Variants in WASF1 observed in about 807,000 individuals in gnomAD.
WASF1 encodes actin-binding protein WASF1.
A neutral mutation model predicts 50.5 loss-of-function variants in WASF1; 7 were observed. The observed-to-expected ratio is 0.14, with a 90% CI of 0.08 to 0.26. The LOEUF (loss-of-function observed/expected upper bound fraction) is 0.26. WASF1 is among the 10% of genes least tolerant of loss of function. The probability of loss-of-function intolerance (pLI) is 1.00; values close to 1 mark genes in which losing one functional copy is unlikely to be tolerated. For synonymous variants in WASF1, 205 were observed against 244.0 expected (o/e 0.84, Z 1.49); for missense variants, 470 against 694.7 (o/e 0.68, Z 3.64).
intron 2 of WASF1, among the ~76,000 whole-genome samples, chr6:110,166,463 G>T (rs1776482183): frequency 6.6e-6 from 1 of 151,824 alleles, no homozygotes; most frequent in African/African-American, 2.4e-5. Flanking sequence ...CTCAAAAAAT[G>T]ACCAGGGACA....
intron 3 of WASF1, among the ~76,000 whole-genome samples, chr6:110,151,794 T>G (rs527552430): frequency 6.6e-6 from 1 of 152,274 alleles, no homozygotes; most frequent in East Asian, 1.9e-4. Flanking sequence ...ATAGAAAAAG[T>G]GGTAAGTATA....
At chr6:110,153,037 T>C (rs955514651) in intron 3 of WASF1, among the ~76,000 whole-genome samples, 12 of 152,196 alleles carry the variant, frequency 7.9e-5, no homozygotes, top group Non-Finnish European at 1.6e-4. Flanking sequence ...ATTGAGATGA[T>C]TGAGATTCAT....
chr6:110,128,230 C>T (rs1017237454), intron 3 of WASF1, among the ~76,000 whole-genome samples: 3 of 152,040 alleles, frequency 2.0e-5, no homozygotes, highest in Non-Finnish European at 2.9e-5. Context: ...TTATACAAAA[C>T]GTTTTTTAAA....
chr6:110,126,891 T>C (rs1774440776), intron 4 of WASF1, among the ~76,000 whole-genome samples: 1 of 152,174 alleles, frequency 6.6e-6, no homozygotes. Context: ...CCAACCTGCT[T>C]GACTTCTGTC....
intron 2 of WASF1, among the ~76,000 whole-genome samples, chr6:110,177,790 G>C (rs970949210): frequency 6.6e-6 from 1 of 151,996 alleles, no homozygotes; most frequent in African/African-American, 2.4e-5. Context: ...TATCAAAAGG[G>C]TAAATGCAAC....
At chr6:110,117,426 A>G (rs1209147099) in intron 4 of WASF1, among the ~76,000 whole-genome samples, 1 of 152,220 alleles carries the variant, frequency 6.6e-6, no homozygotes, top group Non-Finnish European at 1.5e-5. Context: ...TTGAAGATCA[A>G]ATTAATGAAA....
rs1773022251 is a variant in WASF1, at chr6:110,100,201, T to A, written c.*321A>T. 1.7e-5 allele frequency: 3 copies of A among 175,084 alleles called. No individual in the cohort carries two copies. The highest frequency in any genetic ancestry group is 3.6e-5 in the Non-Finnish European group (3 of 83,264). The allele number at this position is 175,084 out of a possible 1,614,324, so 10.8% of individuals were successfully genotyped here. A position where few individuals can be genotyped will look rare whatever the true frequency, so the allele number is the denominator to read the frequency against. Reference sequence around the variant, plus strand: ...TTCAATTTCAGTTGCTTTCTTTAAATTAAAATTCACAAAGTACACAATTAA... The same window carrying A: ...TTCAATTTCAGTTGCTTTCTTTAAAATAAAATTCACAAAGTACACAATTAA... On this transcript the variant is annotated 3_prime_UTR_variant, in exon 11 of 11. Transcript: ENST00000392589.
chr6:110,154,232 C>G (rs967371024), intron 3 of WASF1, among the ~76,000 whole-genome samples: 1 of 151,878 alleles, frequency 6.6e-6, no homozygotes, highest in African/African-American at 2.4e-5. Context: ...GGTCTATATA[C>G]CTAATACAAT....
At chr6:110,166,590 T>C (rs913869587) in intron 2 of WASF1, among the ~76,000 whole-genome samples, 5 of 151,958 alleles carry the variant, frequency 3.3e-5, no homozygotes, top group African/African-American at 1.2e-4. Flanking sequence ...TTATTTACTG[T>C]GTCCTCAAGC....
rs146104969 is a variant in WASF1, at chr6:110,138,682, A to T, written c.-28-11053T>A. 5.9e-5 allele frequency among the ~76,000 whole-genome samples: 9 copies of T among 152,296 alleles called. No homozygotes were observed. The East Asian group carries it at 1.4e-3, about 23-fold the overall frequency. On this transcript the variant is annotated intron_variant, in intron 3 of 10. Coordinates refer to ENST00000392589, the MANE Select transcript of WASF1 (RefSeq NM_003931.3). The stretch of plus-strand genomic sequence containing the variant: ...TGTCCCAATGAGTTGAGGAGACCCA[A>T]AGTGGGTAGCTCCTTCCTGCAGCTA...
At chr6:110,120,994 C>A (rs1583948783) in intron 4 of WASF1, among the ~76,000 whole-genome samples, 1 of 152,150 alleles carries the variant, frequency 6.6e-6, no homozygotes, top group South Asian at 2.1e-4. Context: ...ATGAAGAAAG[C>A]TGAAACTAGA....
At chr6:110,136,895 A>T (rs1414347503) in intron 3 of WASF1, among the ~76,000 whole-genome samples, 1 of 152,150 alleles carries the variant, frequency 6.6e-6, no homozygotes, top group Non-Finnish European at 1.5e-5. Flanking sequence ...CTGATCCCCC[A>T]GTCTCAATGA....
chr6:110,177,890 T>G (rs1459654821), intron 2 of WASF1, among the ~76,000 whole-genome samples: 2 of 151,924 alleles, frequency 1.3e-5, no homozygotes. Context: ...AATAATGAGA[T>G]GTAAACAGTT....
intron 3 of WASF1, among the ~76,000 whole-genome samples, chr6:110,136,592 ATCTC>A (rs2114540364): frequency 6.6e-6 from 1 of 152,260 alleles, no homozygotes; most frequent in South Asian, 2.1e-4. Flanking sequence ...AGTTTCCTCT[ATCTC>A]TAATAATATG....
At chr6:110,118,096 T>C (rs1355885577) in intron 4 of WASF1, among the ~76,000 whole-genome samples, 2 of 151,928 alleles carry the variant, frequency 1.3e-5, no homozygotes, top group African/African-American at 2.4e-5. Flanking sequence ...AGGAAGAAAC[T>C]GCATCAATTA....
intron 3 of WASF1, among the ~76,000 whole-genome samples, chr6:110,148,969 T>G (rs1049465073): frequency 1.2e-4 from 18 of 152,184 alleles, no homozygotes; most frequent in Non-Finnish European, 2.6e-4. Context: ...AGCCAAAAAC[T>G]GAAAATTATT....
At chr6:110,171,488 G>C (rs200458617) in intron 2 of WASF1, among the ~76,000 whole-genome samples, 10,724 of 152,026 alleles carry the variant, frequency 0.071, 490 homozygotes, top group African/African-American at 0.14. Context: ...AGTTTATAAC[G>C]GGGTTGTATC....
intron 1 of WASF1, 68 bp from the exon 2 acceptor site, chr6:110,178,810 G>T (rs1266477146): frequency 1.3e-5 from 2 of 152,722 alleles, no homozygotes; most frequent in African/African-American, 4.8e-5. Context: ...AATTATCTGG[G>T]TGGCACAATG....
At chr6:110,119,096 G>T (rs1384810732) in intron 4 of WASF1, among the ~76,000 whole-genome samples, 1 of 152,182 alleles carries the variant, frequency 6.6e-6, no homozygotes, top group Non-Finnish European at 1.5e-5. Context: ...AAGCAGGAAA[G>T]ATCTAAAATT....
Sources: gnomAD v4.1 joint callset for allele counts (sites outside exome capture counted in the v4.1 genomes callset) on GRCh38, gnomAD v4.1.1 for gene constraint, MANE v1.5 for transcripts, NCBI Gene and HGNC (gene_info 2026-07-23, HGNC 2026-07-21) for gene names.